PARP10: variants seen among roughly 807,000 people sequenced by gnomAD.
The protein encoded by PARP10 is protein mono-ADP-ribosyltransferase PARP10.
A neutral mutation model predicts 82.4 loss-of-function variants in PARP10; 56 were observed. The ratio of observed to expected loss-of-function variants is 0.68; its 90% CI spans 0.55 to 0.85. The LOEUF is 0.85. Among genes scored for constraint, PARP10 ranks in the 40% least tolerant of loss-of-function variants. The probability of loss-of-function intolerance (pLI) is 0.00; values close to 1 mark genes in which losing one functional copy is unlikely to be tolerated. For missense variants in PARP10, 1,227 were observed against 1,379.4 expected (o/e 0.89, Z 1.75); for synonymous variants, 576 against 601.1 (o/e 0.96, Z 0.61).
At chr8:143,990,022 G>A (rs1470480702), upstream of PARP10, 2 of 144,670 alleles carry the variant, frequency 1.4e-5, no homozygotes, top group African/African-American at 5.1e-5. The surrounding 1 kb of genome is among the most constrained non-coding windows in gnomAD (Gnocchi z 5.6). Context: ...CCACCCCGAA[G>A]CTCGCCCGGC....
intron 1 of PARP10, among the ~76,000 whole-genome samples, chr8:144,010,918 A>G (rs1834276025): frequency 6.6e-6 from 1 of 152,012 alleles, no homozygotes; most frequent in Admixed American, 6.6e-5. Context: ...CAAATTTAAA[A>G]ATTAAAAAAA....
Position 143,982,918 on chromosome 8 carries a change from G to A in PARP10, c.2556+14C>T. The stretch of plus-strand genomic sequence containing the variant: ...AGGACGCCATGAGGCCAGAGAGACA[G>A]GGCATGGACTCACACGAACGACGCG... On this transcript the variant is annotated intron_variant, in intron 9 of 10. Transcript: ENST00000313028. 6.2e-7 allele frequency: 1 copy of A among 1,612,850 alleles called. No homozygotes were observed. Among genetic ancestry groups the A allele is most frequent in the Non-Finnish European group, 8.5e-7 (1 of 1,179,764 alleles).
intron 9 of PARP10, among the ~76,000 whole-genome samples, chr8:143,979,063 C>T (rs938583523): frequency 2.0e-5 from 3 of 151,964 alleles, no homozygotes; most frequent in African/African-American, 7.2e-5. Context: ...AGCTCCGCCT[C>T]CCGGGTTCAC....
Position 143,983,374 on chromosome 8 carries a change from C to T in PARP10, c.2215G>A (p.Val739Met), listed in dbSNP as rs1554748210. 3 of 1,606,284 alleles carry T rather than the reference C, an allele frequency of 1.9e-6. No homozygotes were observed. Reference sequence around the variant, plus strand: ...GGCAGTGTGCGGCGCCAGGGCCCCACCGTCTCCTCCTGGACGTGGACCTCC... The same window carrying T: ...GGCAGTGTGCGGCGCCAGGGCCCCATCGTCTCCTCCTGGACGTGGACCTCC... ...ALEVHVQEET[V>M]GPWRRTLPAE... Residue 739 changes from valine to methionine, a missense_variant, in exon 8 of 11, where the codon GTG becomes ATG. Val to Met is a conservative substitution (Grantham distance 21). Coordinates refer to ENST00000313028, the MANE Select transcript of PARP10 (RefSeq NM_032789.5).
chr8:144,005,713 C>T (rs576080420), intron 1 of PARP10, among the ~76,000 whole-genome samples: 10 of 152,176 alleles, frequency 6.6e-5, no homozygotes, highest in African/African-American at 2.4e-4. Flanking sequence ...AAGCCTGCTA[C>T]CCACCCCAGG....
chr8:143,992,390 G>C (rs1225131889), upstream of PARP10: 18 of 1,609,436 alleles, frequency 1.1e-5, no homozygotes, highest in Non-Finnish European at 1.4e-5. Context: ...GGCCTCCCGT[G>C]GCTGGGCTGT....
At position 144,001,873 on chromosome 8, in the gene PARP10, C is replaced by CGTGTGTGTGTGTGTGTGTGT. The variant is rs57117824; in HGVS notation, c.-80+10637_-80+10656dup. 1.0e-3 allele frequency among the ~76,000 whole-genome samples: 136 copies of CGTGTGTGTGTGTGTGTGTGT among 136,506 alleles called. 2 individuals carry two copies. Among genetic ancestry groups the CGTGTGTGTGTGTGTGTGTGT allele is most frequent in the African/African-American group, 3.5e-3 (129 of 36,858 alleles). The allele number at this position is 136,506 out of a possible 152,430, so 89.6% of individuals were successfully genotyped here. ...CAAGATCCATCTTTAAATATATATA[C>CGTGTGTGTGTGTGTGTGTGT]GTGTGTGTGTGTGTGTGTGTGTGTG... is the stretch of plus-strand genomic sequence containing the variant. On this transcript the variant is annotated intron_variant, in intron 1 of 3. Transcript: ENST00000530478.
upstream of PARP10, among the ~76,000 whole-genome samples, chr8:143,989,247 C>G (rs1554750088): frequency 6.6e-6 from 1 of 152,214 alleles, no homozygotes; most frequent in Non-Finnish European, 1.5e-5. The surrounding 1 kb of genome is among the most constrained non-coding windows in gnomAD (Gnocchi z 4.3). Context: ...TCACTGCTCC[C>G]CCAAGAGGAC....
At chr8:143,987,944 C>T (rs1554749740), upstream of PARP10, among the ~76,000 whole-genome samples, 2 of 151,512 alleles carry the variant, frequency 1.3e-5, no homozygotes, top group Non-Finnish European at 2.9e-5. Flanking sequence ...TGCCCAGCTG[C>T]ACCTGACCAG....
chr8:143,986,658 T>G (rs1337960827), upstream of PARP10: 4 of 558,744 alleles, frequency 7.2e-6, no homozygotes, highest in Non-Finnish European at 1.3e-5. Flanking sequence ...CTCCAGCCCC[T>G]GGTTGGCAGG....
At chr8:143,979,128 G>A (rs1833789651) in intron 9 of PARP10, among the ~76,000 whole-genome samples, 1 of 151,990 alleles carries the variant, frequency 6.6e-6, no homozygotes, top group Non-Finnish European at 1.5e-5. Context: ...ACCTGCCACC[G>A]CGCCCGGCTA....
intron 1 of PARP10, among the ~76,000 whole-genome samples, chr8:143,999,232 C>T (rs1272081525): frequency 2.0e-5 from 3 of 151,842 alleles, no homozygotes; most frequent in South Asian, 4.2e-4. Context: ...GATGGGGTCT[C>T]ACTTTGTCGC....
chr8:143,997,125 A>C (rs1834170037), intron 1 of PARP10, among the ~76,000 whole-genome samples: 1 of 152,148 alleles, frequency 6.6e-6, no homozygotes, highest in Non-Finnish European at 1.5e-5. Flanking sequence ...GACACTACAA[A>C]TGTCTCCCAA....
At chr8:143,994,333 G>A (rs115835218), upstream of PARP10, among the ~76,000 whole-genome samples, 6 of 152,240 alleles carry the variant, frequency 3.9e-5, no homozygotes, top group African/African-American at 1.2e-4. Context: ...GGGCTGCCCC[G>A]CTTCCCTCTC....
chr8:144,000,929 T>G (rs1252678559), intron 1 of PARP10, among the ~76,000 whole-genome samples: 15 of 141,724 alleles, frequency 1.1e-4, no homozygotes, highest in African/African-American at 3.9e-4. Context: ...TTTTTTTTTT[T>G]TTGAGACGGA....
rs1379232211 is a variant in PARP10 at position 144,009,887 on chromosome 8, T to C, written c.-80+2643A>G. 3.9e-5 allele frequency among the ~76,000 whole-genome samples: 6 copies of C among 152,152 alleles called. No homozygotes were observed. The East Asian group carries it at 1.2e-3, about 29-fold the overall frequency. Reference sequence around the variant, plus strand: ...GCTCTGCCCACTCTCTCCACCTCCATGGCACCACCTGTGAACCAGCCACCC... The same window carrying C: ...GCTCTGCCCACTCTCTCCACCTCCACGGCACCACCTGTGAACCAGCCACCC... On this transcript the variant is annotated intron_variant, in intron 1 of 3. Coordinates refer to the PARP10 transcript ENST00000530478.
rs1834284026 is a variant in PARP10 at position 144,011,600 on chromosome 8, A to G, written c.-80+930T>C. 6.6e-6 allele frequency among the ~76,000 whole-genome samples: 1 copy of G among 152,198 alleles called. No homozygotes were observed. Among genetic ancestry groups the G allele is most frequent in the Admixed American group, 6.5e-5 (1 of 15,282 alleles). ...TCACTCAGTACTCAAGGTCAGTACC[A>G]TAGAGTTATCTGTAGATAGCTCTAA... is the stretch of plus-strand genomic sequence containing the variant. On this transcript the variant is annotated intron_variant, in intron 1 of 3. Transcript: ENST00000530478. This position sits in a 1 kb window ranked among gnomAD's most constrained non-coding sequence, Gnocchi z 4.5.
At chr8:143,999,992 T>A (rs1307319681) in intron 1 of PARP10, among the ~76,000 whole-genome samples, 5 of 152,144 alleles carry the variant, frequency 3.3e-5, no homozygotes, top group Non-Finnish European at 5.9e-5. Context: ...GAAGAAGTAA[T>A]GTCTGAATAC....
upstream of PARP10, chr8:143,991,761 C>T (rs782462875): frequency 6.2e-7 from 1 of 1,613,704 alleles, no homozygotes; most frequent in African/African-American, 1.3e-5. Context: ...TTCCCTGCCA[C>T]CAACTGGGAT....
Sources: allele counts gnomAD v4.1 joint callset (sites outside exome capture counted in the v4.1 genomes callset), GRCh38; gene constraint gnomAD v4.1.1; non-coding constraint Gnocchi (gnomAD v3.1); transcripts MANE v1.5; gene names NCBI Gene and HGNC (gene_info 2026-07-23, HGNC 2026-07-21).